Variants in COL5A1 observed in about 807,000 individuals in gnomAD.
COL5A1 encodes collagen type V alpha 1 chain.
COL5A1 carries 16 observed loss-of-function variants against 263.7 expected under a neutral mutation model. The observed-to-expected ratio is 0.06, with a 90% CI of 0.04 to 0.09. COL5A1 has a LOEUF of 0.09. Ranked by LOEUF, COL5A1 falls within the 10% of genes least tolerant of loss-of-function variation. The pLI is 1.00. For missense variants in COL5A1, 2,036 were observed against 2,540.5 expected (o/e 0.80, Z 4.27); for synonymous variants, 1,012 against 1,004.5 (o/e 1.01, Z -0.14).
intron 2 of COL5A1, among the ~76,000 whole-genome samples, chr9:134,694,609 G>A (rs2132557814): frequency 1.3e-5 from 2 of 152,340 alleles, no homozygotes; most frequent in South Asian, 4.1e-4. Context: ...GTCTTGCTGA[G>A]ACCCAGCAGT....
chr9:134,775,051 C>A, intron 27 of COL5A1, 139 bp downstream of exon 27: 3 of 822,528 alleles, frequency 3.6e-6, no homozygotes, highest in South Asian at 1.5e-5. Context: ...TCCTCCCAGT[C>A]ACTTGTGTGG....
At chr9:134,802,768 G>A in intron 38 of COL5A1, 120 bp from the exon 39 acceptor site, 2 of 773,298 alleles carry the variant, frequency 2.6e-6, no homozygotes, top group Non-Finnish European at 4.5e-6. Flanking sequence ...TTGGAGGTTT[G>A]GTGTGCCCGC....
chr9:134,802,921 C>A lies in COL5A1; in HGVS notation c.3040C>A (p.Arg1014Ser), dbSNP rs780601499. Residue 1014 changes from arginine (R) to serine (S), a missense_variant, in exon 39 of 66, where the codon CGT (arginine) becomes AGT (serine). Physicochemically the swap from Arg to Ser is moderately radical, Grantham distance 110. Coordinates refer to ENST00000371817, the MANE Select transcript of COL5A1 (RefSeq NM_000093.5). ...PTGETGPMGE[R>S]GHPGPPGPPG... Reference sequence around the variant, plus strand: ...GGGAGAAACGGGCCCAATGGGTGAGCGTGGCCACCCTGGGCCCCCTGGACC... The same window carrying A: ...GGGAGAAACGGGCCCAATGGGTGAGAGTGGCCACCCTGGGCCCCCTGGACC... 6.2e-7 allele frequency: 1 copy of A among 1,612,190 alleles called. No homozygotes were observed. Among genetic ancestry groups the A allele is most frequent in the Non-Finnish European group, 8.5e-7 (1 of 1,179,628 alleles).
In COL5A1 at chr9:134,765,616, G is replaced by T; in HGVS notation, c.2035-65G>T. 3 of 1,456,930 alleles carry T rather than the reference G, an allele frequency of 2.1e-6. No homozygotes were observed. The South Asian group carries it at 3.4e-5, about 17-fold the overall frequency. 90.3% of individuals were successfully genotyped at this position (1,456,930 alleles called of 1,614,324 possible). A position where few individuals can be genotyped will look rare whatever the true frequency, so the allele number is the denominator to read the frequency against. On this transcript the variant is annotated intron_variant, in intron 20 of 65. Coordinates refer to ENST00000371817, the MANE Select transcript of COL5A1 (RefSeq NM_000093.5). The surrounding 1 kb of genome is among the most constrained non-coding windows in gnomAD (Gnocchi z 5.1). ...TGGAGTCAGGGCCAAGTGGGCATAG[G>T]GGACAGAGAGGAGGGCTGGGATTTC...
At chr9:134,776,400 C>T (rs1366157591) in intron 27 of COL5A1, among the ~76,000 whole-genome samples, 1 of 152,192 alleles carries the variant, frequency 6.6e-6, no homozygotes, top group African/African-American at 2.4e-5. Context: ...ATGGAGAATG[C>T]TCTTATCTTG....
At chr9:134,685,329 CA>C (rs1833003883) in intron 1 of COL5A1, among the ~76,000 whole-genome samples, 1 of 149,356 alleles carries the variant, frequency 6.7e-6, no homozygotes, top group African/African-American at 2.5e-5. Flanking sequence ...TTCATCCATC[CA>C]TCTGTCCATC....
rs1303972845 is a variant in COL5A1 at position 134,647,633 on chromosome 9, G to A, written c.109+5337G>A. Among the ~76,000 whole-genome samples the A allele has an allele frequency of 6.6e-6, 1 of 152,226 alleles. No individual in the cohort carries two copies. Among genetic ancestry groups the A allele is most frequent in the Non-Finnish European group, 1.5e-5 (1 of 68,044 alleles). On this transcript the variant is annotated intron_variant, in intron 1 of 65. Coordinates refer to ENST00000371817, the MANE Select transcript of COL5A1 (RefSeq NM_000093.5). This position sits in a 1 kb window ranked among gnomAD's most constrained non-coding sequence, Gnocchi z 5.0. The stretch of plus-strand genomic sequence containing the variant: ...GACCCGGCCCCAGCTGGACGGGAGA[G>A]GAGGAGATGGCACGTGGAACCTGCC...
At chr9:134,683,293 C>T (rs1239651667) in intron 1 of COL5A1, among the ~76,000 whole-genome samples, 1 of 152,202 alleles carries the variant, frequency 6.6e-6, no homozygotes, top group African/African-American at 2.4e-5. Flanking sequence ...ACCTCCAAAC[C>T]TTCTGCCCTT....
Position 134,798,336 on chromosome 9 carries a change from G to A in COL5A1, c.2899-72G>A, listed in dbSNP as rs73561905. On this transcript the variant is annotated intron_variant, in intron 36 of 65. Coordinates refer to ENST00000371817, the MANE Select transcript of COL5A1 (RefSeq NM_000093.5). ...GCCATGGAAATAACGGTCACTCCAC[G>A]TGGCATTAATTCTCAAAGGTGGTTG... is the stretch of plus-strand genomic sequence containing the variant. 2.5e-3 allele frequency: 3,467 copies of A among 1,384,556 alleles called. 56 individuals are homozygous for A. In the African/African-American group the frequency reaches 0.038, roughly 15 times the overall value. 85.8% of individuals were successfully genotyped at this position (1,384,556 alleles called of 1,614,324 possible). A position where few individuals can be genotyped will look rare whatever the true frequency, so the allele number is the denominator to read the frequency against.
intron 1 of COL5A1, among the ~76,000 whole-genome samples, chr9:134,665,199 AAAAC>A (rs905524232): frequency 2.0e-5 from 3 of 152,298 alleles, no homozygotes; most frequent in East Asian, 3.9e-4. Flanking sequence ...ACTCCGTCTC[AAAAC>A]AAACAAACAA....
chr9:134,804,725 A>G (rs1219310657), intron 39 of COL5A1, among the ~76,000 whole-genome samples: 1 of 152,208 alleles, frequency 6.6e-6, no homozygotes, highest in African/African-American at 2.4e-5. Context: ...GGAGAAGCCC[A>G]ATCCAACCCA....
At chr9:134,760,232 A>ACACACGCG (rs1836289822) in intron 18 of COL5A1, among the ~76,000 whole-genome samples, 1 of 107,044 alleles carries the variant, frequency 9.3e-6, no homozygotes, top group African/African-American at 4.2e-5. Flanking sequence ...CCACATGCAC[A>ACACACGCG]CACACGCATA....
At chr9:134,662,318 A>G (rs1169343191) in intron 1 of COL5A1, among the ~76,000 whole-genome samples, 4 of 152,158 alleles carry the variant, frequency 2.6e-5, no homozygotes. Context: ...TCCCTGGGAT[A>G]TGTCAAGCTG....
chr9:134,806,923 G>T (rs1838316195), intron 42 of COL5A1, among the ~76,000 whole-genome samples: 1 of 152,172 alleles, frequency 6.6e-6, no homozygotes, highest in Non-Finnish European at 1.5e-5. Flanking sequence ...AATTTTGCAG[G>T]CTTTGTGAAG....
intron 31 of COL5A1, among the ~76,000 whole-genome samples, chr9:134,787,044 A>G (rs1049748304): frequency 2.6e-5 from 4 of 152,214 alleles, no homozygotes; most frequent in Non-Finnish European, 4.4e-5. Flanking sequence ...GTGAAACAGG[A>G]ATTTCATTTA....
intron 37 of COL5A1, among the ~76,000 whole-genome samples, chr9:134,798,671 C>T (rs1328395701): frequency 7.7e-6 from 1 of 129,930 alleles, no homozygotes; most frequent in South Asian, 2.5e-4. Flanking sequence ...TCATGCAGGC[C>T]GGCAGCGCCT....
At chr9:134,807,346 T>G (rs1298486776) in intron 42 of COL5A1, among the ~76,000 whole-genome samples, 1 of 152,166 alleles carries the variant, frequency 6.6e-6, no homozygotes, top group Admixed American at 6.5e-5. Flanking sequence ...CAGGCTGGAG[T>G]GCAGTGGCGC....
At chr9:134,708,655 G>A (rs1350005014) in intron 4 of COL5A1, 1 of 518,766 alleles carries the variant, frequency 1.9e-6, no homozygotes, top group Admixed American at 1.9e-5. Flanking sequence ...GAGGCCCCTT[G>A]TCGTGTCTTC....
In COL5A1 at chr9:134,842,267, T is replaced by G; in HGVS notation, c.5481T>G (p.Phe1827Leu). The G allele has an allele frequency of 6.2e-7, 1 of 1,614,114 alleles. No individual in the cohort carries two copies. Among genetic ancestry groups the G allele is most frequent in the Non-Finnish European group, 8.5e-7 (1 of 1,180,002 alleles). ...ACTTCGGTGAAGCGTCACAGAAATT[T>G]GGATTTGAAGTGGGGCCGGCTTGCT... is the stretch of plus-strand genomic sequence containing the variant. ...FNDFGEASQK[F>L]GFEVGPACFM... is the part of the protein sequence containing the mutation. Residue 1827 changes from phenylalanine (F) to leucine (L), a missense_variant, in exon 66 of 66, where the codon TTT becomes TTG. Transcript: ENST00000371817. The surrounding 1 kb of genome is among the most constrained non-coding windows in gnomAD (Gnocchi z 5.8).
Sources: allele counts gnomAD v4.1 joint callset (sites outside exome capture counted in the v4.1 genomes callset), GRCh38; gene constraint gnomAD v4.1.1; non-coding constraint Gnocchi (gnomAD v3.1); transcripts MANE v1.5; gene names NCBI Gene and HGNC (gene_info 2026-07-23, HGNC 2026-07-21).